LRP11: variants seen among roughly 807,000 people sequenced by gnomAD.
LRP11 encodes the protein low-density lipoprotein receptor-related protein 11.
LRP11 carries 25 observed loss-of-function variants against 43.1 expected under a neutral mutation model. The observed-to-expected ratio is 0.58, with a 90% CI of 0.42 to 0.81. LRP11 has a LOEUF of 0.81. LRP11 is among the 30% of genes least tolerant of loss of function. LRP11 has a pLI of 0.00. For missense variants in LRP11, 623 were observed against 665.1 expected (o/e 0.94, Z 0.70); for synonymous variants, 316 against 299.4 (o/e 1.06, Z -0.57).
Position 149,864,109 on chromosome 6 carries a change from C to A in LRP11, c.-89G>T. ...GGGCGAGCGCGGGCCCTGGGCCCCT[C>A]CTGCGCGGCCGCGGCTGGCTCTAGG... On this transcript the variant is annotated 5_prime_UTR_variant, in exon 1 of 7. Coordinates refer to ENST00000239367, the MANE Select transcript of LRP11 (RefSeq NM_032832.6). 1 of 1,192,952 alleles carries A rather than the reference C, an allele frequency of 8.4e-7. No homozygotes were observed. Among genetic ancestry groups the A allele is most frequent in the Non-Finnish European group, 1.0e-6 (1 of 964,320 alleles). The allele number at this position is 1,192,952 out of a possible 1,614,324, so 73.9% of individuals were successfully genotyped here. A position where few individuals can be genotyped will look rare whatever the true frequency, so the allele number is the denominator to read the frequency against.
At chr6:149,822,886 T>C (rs896198249) in intron 6 of LRP11, among the ~76,000 whole-genome samples, 1 of 152,148 alleles carries the variant, frequency 6.6e-6, no homozygotes, top group Non-Finnish European at 1.5e-5. Flanking sequence ...CTATCAGCGA[T>C]CAGGTGGAAT....
At chr6:149,838,617 A>T (rs1479193973) in intron 3 of LRP11, among the ~76,000 whole-genome samples, 4 of 151,318 alleles carry the variant, frequency 2.6e-5, no homozygotes, top group Admixed American at 1.3e-4. Context: ...TCTGGGAGGC[A>T]GAGGTTGCAG....
At chr6:149,830,691 G>C (rs1776397416) in intron 5 of LRP11, among the ~76,000 whole-genome samples, 2 of 152,186 alleles carry the variant, frequency 1.3e-5, no homozygotes, top group South Asian at 4.1e-4. Flanking sequence ...CAAAATTAAA[G>C]AGCACTTTCT....
At chr6:149,832,890 G>C (rs888905334) in intron 5 of LRP11, among the ~76,000 whole-genome samples, 41 of 151,864 alleles carry the variant, frequency 2.7e-4, no homozygotes, top group Non-Finnish European at 4.9e-4. Flanking sequence ...CTCACTGCAA[G>C]CTCCACCTCC....
chr6:149,830,641 T>C (rs1009176679), intron 5 of LRP11, among the ~76,000 whole-genome samples: 4 of 152,244 alleles, frequency 2.6e-5, no homozygotes, highest in Admixed American at 6.5e-5. Flanking sequence ...GGTGGGTTCA[T>C]GTAAAAAACT....
chr6:149,861,445 T>C lies in LRP11; in HGVS notation c.613+1963A>G, dbSNP rs532007126. ...AAAACAATTCCTAGACAAACTCCCC[T>C]GGGGAAAGGAAGGGCAACGAAGCAA... On this transcript the variant is annotated intron_variant, in intron 1 of 6. Coordinates refer to ENST00000239367, the MANE Select transcript of LRP11 (RefSeq NM_032832.6). Among the ~76,000 whole-genome samples the C allele has an allele frequency of 9.7e-4, 148 of 152,176 alleles. 2 individuals carry two copies. Among genetic ancestry groups the C allele is most frequent in the Admixed American group, 3.7e-3 (56 of 15,296 alleles).
chr6:149,848,214 C>T (rs536594732), intron 2 of LRP11, among the ~76,000 whole-genome samples: 10 of 152,180 alleles, frequency 6.6e-5, no homozygotes, highest in Admixed American at 3.9e-4. Flanking sequence ...AAAACCCCAC[C>T]AGATGCTGGT....
At position 149,863,798 on chromosome 6, in the gene LRP11, G is replaced by T. The variant is rs1296959135; in HGVS notation, c.223C>A (p.Leu75Met). 1 of 1,496,528 alleles carries T rather than the reference G, an allele frequency of 6.7e-7. No individual in the cohort carries two copies. Among genetic ancestry groups the T allele is most frequent in the Non-Finnish European group, 8.8e-7 (1 of 1,130,934 alleles). 92.7% of individuals were successfully genotyped at this position (1,496,528 alleles called of 1,614,324 possible). A position where few individuals can be genotyped will look rare whatever the true frequency, so the allele number is the denominator to read the frequency against. ...CCGCCCGCGCGCAGCTCCAGCTCCA[G>T]CTCCTCCTGAGGCCGCTCCTGCTGC... ...QLQQERPQEE[L>M]ELELRAGGGP... is the part of the protein sequence containing the mutation. The change falls in exon 1 of 7, where the codon CTG becomes ATG. Residue 75 changes from leucine (L) to methionine (M), a missense_variant. Transcript: ENST00000239367.
At chr6:149,837,956 C>T (rs1197130703) in intron 3 of LRP11, among the ~76,000 whole-genome samples, 3 of 152,166 alleles carry the variant, frequency 2.0e-5, no homozygotes, top group African/African-American at 4.8e-5. Flanking sequence ...CTCACTCTGT[C>T]GCCCAGGCTG....
chr6:149,836,071 C>T lies in LRP11; in HGVS notation c.1252+14G>A. On this transcript the variant is annotated intron_variant, in intron 5 of 6. Coordinates refer to ENST00000239367, the MANE Select transcript of LRP11 (RefSeq NM_032832.6). ...AACAAGGTTCTTCATTGAGAACCCA[C>T]CGTGAATCCTTACCTGGCATCACAG... The T allele has an allele frequency of 6.2e-7, 1 of 1,610,918 alleles. No individual in the cohort carries two copies. Among genetic ancestry groups the T allele is most frequent in the African/African-American group, 1.3e-5 (1 of 74,990 alleles).
intron 1 of LRP11, among the ~76,000 whole-genome samples, chr6:149,856,238 T>C (rs1776797386): frequency 6.6e-6 from 1 of 152,198 alleles, no homozygotes; most frequent in Admixed American, 6.5e-5. Flanking sequence ...AGCGCTGAAA[T>C]ATTCCACACA....
rs201050390 is a variant in LRP11 at position 149,859,377 on chromosome 6, C to CATAT, written c.613+4027_613+4030dup. ...TTTATTTTTATTTTTCTTGCTGACTCATATATATATATATATATATTTTTT... is the reference window on the plus strand; with the variant it reads ...TTTATTTTTATTTTTCTTGCTGACTCATATATATATATATATATATATATTTTTT... On this transcript the variant is annotated intron_variant, in intron 1 of 6. Coordinates refer to ENST00000239367, the MANE Select transcript of LRP11 (RefSeq NM_032832.6). Among the ~76,000 whole-genome samples, 83 of 51,566 alleles carry CATAT rather than the reference C, an allele frequency of 1.6e-3. 3 individuals carry two copies. The highest frequency in any genetic ancestry group is 0.02 in the Middle Eastern group (2 of 102). 33.8% of individuals were successfully genotyped at this position (51,566 alleles called of 152,430 possible). A position where few individuals can be genotyped will look rare whatever the true frequency, so the allele number is the denominator to read the frequency against.
At chr6:149,851,460 T>A (rs1428561630) in intron 2 of LRP11, among the ~76,000 whole-genome samples, 3 of 152,116 alleles carry the variant, frequency 2.0e-5, no homozygotes, top group Non-Finnish European at 4.4e-5. Flanking sequence ...AACTGTGGGG[T>A]GCTGAGTTCT....
chr6:149,820,749 C>A (rs1195269261), intron 6 of LRP11, 46 bp from the exon 7 acceptor site: 2 of 775,088 alleles, frequency 2.6e-6, no homozygotes, highest in East Asian at 4.9e-5. Context: ...TGATTAGTCA[C>A]AGTGACAGCT....
intron 1 of LRP11, among the ~76,000 whole-genome samples, chr6:149,861,896 C>T (rs955615694): frequency 5.9e-5 from 9 of 152,192 alleles, no homozygotes; most frequent in Non-Finnish European, 1.2e-4. Context: ...TCAAAGGTTT[C>T]CTCTGGGTTT....
chr6:149,837,429 G>C lies in LRP11; in HGVS notation c.948C>G (p.Phe316Leu). Residue 316 changes from phenylalanine (F) to leucine (L), a missense_variant, in exon 4 of 7, where the codon TTC becomes TTG. Transcript: ENST00000239367. Reference protein sequence around the residue: ...CLHTCSRYHFFCDDGCCIDIT... With the variant: ...CLHTCSRYHFLCDDGCCIDIT... ...TGTCAATGCAGCAGCCATCGTCACAGAAGAAGTGGTAGCGTGAGCAAGTGT... is the reference window on the plus strand; with the variant it reads ...TGTCAATGCAGCAGCCATCGTCACACAAGAAGTGGTAGCGTGAGCAAGTGT... 6.2e-7 allele frequency: 1 copy of C among 1,614,114 alleles called. No individual in the cohort carries two copies. The highest frequency in any genetic ancestry group is 1.1e-5 in the South Asian group (1 of 91,080).
chr6:149,840,364 TAA>T (rs1306434371), intron 3 of LRP11, among the ~76,000 whole-genome samples: 3 of 152,194 alleles, frequency 2.0e-5, no homozygotes, highest in African/African-American at 2.4e-5. Context: ...ATTTTCCATA[TAA>T]AGTTACCCAC....
chr6:149,863,872 G>C lies in LRP11; in HGVS notation c.149C>G (p.Ala50Gly). 6.6e-7 allele frequency: 1 copy of C among 1,504,582 alleles called. No homozygotes were observed. Among genetic ancestry groups the C allele is most frequent in the Non-Finnish European group, 8.8e-7 (1 of 1,135,652 alleles). The allele number at this position is 1,504,582 out of a possible 1,614,324, so 93.2% of individuals were successfully genotyped here. ...CAGCTGCTCCACGCCCGACAGCTGCGCGTGCAGTTCGGACAGCGGCGCCGC... is the reference window on the plus strand; with the variant it reads ...CAGCTGCTCCACGCCCGACAGCTGCCCGTGCAGTTCGGACAGCGGCGCCGC... ...PPAAPLSELH[A>G]QLSGVEQLLE... The change falls in exon 1 of 7, where the codon GCG (alanine) becomes GGG (glycine). Residue 50 changes from alanine (A) to glycine (G), a missense_variant. Physicochemically the swap from Ala to Gly is moderately conservative, Grantham distance 60. Coordinates refer to ENST00000239367, the MANE Select transcript of LRP11 (RefSeq NM_032832.6).
At chr6:149,847,864 C>T (rs190520949) in intron 2 of LRP11, among the ~76,000 whole-genome samples, 2 of 140,246 alleles carry the variant, frequency 1.4e-5, no homozygotes, top group Admixed American at 7.4e-5. Flanking sequence ...CACACACACA[C>T]ACACACACAC....
Sources: allele counts gnomAD v4.1 joint callset (sites outside exome capture counted in the v4.1 genomes callset), GRCh38; gene constraint gnomAD v4.1.1; transcripts MANE v1.5; gene names NCBI Gene and HGNC (gene_info 2026-07-23, HGNC 2026-07-21).